RBFOX3: variants seen among roughly 807,000 people sequenced by gnomAD.
RBFOX3 encodes the protein RNA binding fox-1 homolog 3, also known as RNA binding protein fox-1 homolog 3.
RBFOX3 carries 17 observed loss-of-function variants against 48.7 expected under a neutral mutation model. That is an observed-to-expected ratio of 0.35 (90% CI 0.24 to 0.52). The LOEUF is 0.52. Among genes scored for constraint, RBFOX3 ranks in the 20% least tolerant of loss-of-function variants. The pLI is 0.94. For synonymous variants in RBFOX3, 212 were observed against 209.5 expected, an observed-to-expected ratio of 1.01 and a Z score of -0.10; for missense variants, 382 against 497.5, an observed-to-expected ratio of 0.77 and a Z score of 2.21.
rs1011141975 is a variant in RBFOX3, at chr17:79,199,092, C to A, written c.-34+36674G>T. ...GGAGAGAGGGAGGAGACCCAGAAAA[C>A]AGTGGGAAGCAAGTGGGGGCTGTCT... On this transcript the variant is annotated intron_variant, in intron 4 of 14. Transcript: ENST00000693108. This position sits in a 1 kb window ranked among gnomAD's most constrained non-coding sequence, Gnocchi z 5.1. Among the ~76,000 whole-genome samples, 1 of 152,168 alleles carries A rather than the reference C, an allele frequency of 6.6e-6. No individual in the cohort carries two copies. Among genetic ancestry groups the A allele is most frequent in the Non-Finnish European group, 1.5e-5 (1 of 68,026 alleles).
At position 79,503,997 on chromosome 17, in the gene RBFOX3, TGGCAGGGTGCTCCA is replaced by T. The variant is rs2082723645; in HGVS notation, c.-319-21413_-319-21400del. On this transcript the variant is annotated intron_variant, in intron 1 of 14. Transcript: ENST00000693108. ...GAAATGGGAAGGTGGGTGGGCGGGGTGGCAGGGTGCTCCAGGTGGCAGGGTGCTCCAGGTGGCAG... is the reference window on the plus strand; with the variant it reads ...GAAATGGGAAGGTGGGTGGGCGGGGTGGTGGCAGGGTGCTCCAGGTGGCAG... 5.9e-5 allele frequency among the ~76,000 whole-genome samples: 4 copies of T among 67,762 alleles called. No individual in the cohort carries two copies. The South Asian group carries it at 2.4e-3, about 40-fold the overall frequency. The allele number at this position is 67,762 out of a possible 152,430, so 44.5% of individuals were successfully genotyped here.
In RBFOX3 at chr17:79,361,864, G is replaced by A. The variant is rs2086420197; in HGVS notation, c.-174-54040C>T. On this transcript the variant is annotated intron_variant, in intron 2 of 14. Transcript: ENST00000693108. This position sits in a 1 kb window ranked among gnomAD's most constrained non-coding sequence, Gnocchi z 4.5. ...TTTTTATATGGCTCACAAGGCATAG[G>A]CAGATTTCTCTGTTTCTTTATTTGT... Among the ~76,000 whole-genome samples, 1 of 152,192 alleles carries A rather than the reference G, an allele frequency of 6.6e-6. No individual in the cohort carries two copies. Among genetic ancestry groups the A allele is most frequent in the African/African-American group, 2.4e-5 (1 of 41,432 alleles).
chr17:79,659,330 G>A, the RBFOX3 span, among the ~76,000 whole-genome samples: 1 of 152,202 alleles, frequency 6.6e-6, no homozygotes, highest in Admixed American at 6.5e-5. Flanking sequence ...TGATGTACCA[G>A]AGGGTATCTG....
chr17:79,097,325 G>C lies in RBFOX3; in HGVS notation c.722C>G (p.Ala241Gly). 2 of 1,545,062 alleles carry C rather than the reference G, an allele frequency of 1.3e-6. No individual in the cohort carries two copies. The highest frequency in any genetic ancestry group is 1.7e-6 in the Non-Finnish European group (2 of 1,143,728). ...AGTCGGGATGGGGGGTGGGGGTGGC[G>C]CAGCCCGAAATGTATTATACACGGC... ...GRAVYNTFRA[A>G]PPPPPIPTYG... Residue 241 changes from alanine (A) to glycine (G), a missense_variant, in exon 11 of 15, where the codon GCG becomes GGG. Physicochemically the swap from Ala to Gly is moderately conservative, Grantham distance 60 (BLOSUM62 0). Transcript: ENST00000693108.
chr17:79,595,954 C>G (rs1235117500), intron 1 of RBFOX3, among the ~76,000 whole-genome samples: 1 of 152,246 alleles, frequency 6.6e-6, no homozygotes, highest in East Asian at 1.9e-4. Flanking sequence ...GGACGGGGTA[C>G]ATTACGCTCC....
rs527252567 is a variant in RBFOX3, at chr17:79,214,768, C to G, written c.-34+20998G>C. On this transcript the variant is annotated intron_variant, in intron 4 of 14. Transcript: ENST00000693108. The surrounding 1 kb of genome is among the most constrained non-coding windows in gnomAD (Gnocchi z 4.7). ...GGCCCTAGGAAACAGACACTAAATC[C>G]TCATTACAAGGCTTGTTAAATGCAC... Among the ~76,000 whole-genome samples, 8 of 152,240 alleles carry G rather than the reference C, an allele frequency of 5.3e-5. No homozygotes were observed. The South Asian group carries it at 1.7e-3, about 32-fold the overall frequency.
the RBFOX3 span, among the ~76,000 whole-genome samples, chr17:79,657,593 C>T: frequency 4.3e-4 from 66 of 152,266 alleles, no homozygotes; most frequent in African/African-American, 1.5e-3. Context: ...GCAGGAGAAT[C>T]GCTTGAATCT....
intron 1 of RBFOX3, among the ~76,000 whole-genome samples, chr17:79,506,096 G>A (rs1485985963): frequency 3.3e-5 from 5 of 152,348 alleles, no homozygotes; most frequent in East Asian, 1.9e-4. Flanking sequence ...AGAAGTAAGC[G>A]TTTGAGGAAG....
At chr17:79,600,865 G>A (rs1188263670) in intron 1 of RBFOX3, 1 of 152,324 alleles carries the variant, frequency 6.6e-6, no homozygotes, top group Non-Finnish European at 1.5e-5. Flanking sequence ...TCCGAGCTGA[G>A]CCTGCTTGAC....
rs543503779 is a variant in RBFOX3, at chr17:79,312,505, C to T, written c.-174-4681G>A. ...TCTGCCAGGCGCTGTCCTGTGCTCT[C>T]GGAATGTCTGAGTGAGGATACTAGG... On this transcript the variant is annotated intron_variant, in intron 2 of 14. Transcript: ENST00000693108. 1.7e-4 allele frequency among the ~76,000 whole-genome samples: 26 copies of T among 152,110 alleles called. No individual in the cohort carries two copies. In the East Asian group the frequency reaches 2.3e-3, roughly 14 times the overall value.
intron 4 of RBFOX3, among the ~76,000 whole-genome samples, chr17:79,157,750 T>C (rs1398695359): frequency 6.6e-6 from 1 of 152,172 alleles, no homozygotes; most frequent in African/African-American, 2.4e-5. Context: ...GGCAGTGCCA[T>C]GTTCCACCCA....
At chr17:79,653,529 G>C in the RBFOX3 span, among the ~76,000 whole-genome samples, 2 of 152,136 alleles carry the variant, frequency 1.3e-5, no homozygotes, top group Non-Finnish European at 2.9e-5. Context: ...CATTGTTTAG[G>C]TGTAAGTGAG....
In RBFOX3 at chr17:79,447,826, C is replaced by T. The variant is rs1373556009; in HGVS notation, c.-175+34628G>A. 8.5e-5 allele frequency among the ~76,000 whole-genome samples: 13 copies of T among 152,166 alleles called. No homozygotes were observed. The South Asian group carries it at 1.0e-3, about 12-fold the overall frequency. On this transcript the variant is annotated intron_variant, in intron 2 of 14. Transcript: ENST00000693108. ...ATGGGTGATATGGTTCGGCTCATGTCGCTACCCAAATAGCATGTCAAACTG... is the reference window on the plus strand; with the variant it reads ...ATGGGTGATATGGTTCGGCTCATGTTGCTACCCAAATAGCATGTCAAACTG...
chr17:79,534,691 C>T (rs541167189), intron 1 of RBFOX3, among the ~76,000 whole-genome samples: 1 of 152,294 alleles, frequency 6.6e-6, no homozygotes, highest in East Asian at 1.9e-4. Flanking sequence ...GCCCCAAGAC[C>T]CACCGTGACC....
intron 2 of RBFOX3, among the ~76,000 whole-genome samples, chr17:79,430,306 A>AAAGC: frequency 2.0e-5 from 3 of 151,512 alleles, no homozygotes; most frequent in Non-Finnish European, 2.9e-5. Context: ...ATAAATAAAT[A>AAAGC]AAGCAGATAA....
chr17:79,295,181 GC>G (rs2074128236), intron 3 of RBFOX3, among the ~76,000 whole-genome samples: 1 of 152,116 alleles, frequency 6.6e-6, no homozygotes, highest in Non-Finnish European at 1.5e-5. Flanking sequence ...AGTGGTTGGG[GC>G]CCATAAGCCA....
intron 2 of RBFOX3, among the ~76,000 whole-genome samples, chr17:79,436,021 G>A (rs1313368137): frequency 2.6e-5 from 4 of 152,146 alleles, no homozygotes; most frequent in African/African-American, 7.2e-5. Flanking sequence ...TGTTTTCACC[G>A]CCCCCATGAG....
chr17:79,365,134 C>CAT (rs1227239861), intron 2 of RBFOX3, among the ~76,000 whole-genome samples: 5 of 152,072 alleles, frequency 3.3e-5, no homozygotes, highest in Non-Finnish European at 5.9e-5. Context: ...TGCGCACACA[C>CAT]ACACACACAC....
At chr17:79,620,395 CCACATGCA>C in the RBFOX3 span, among the ~76,000 whole-genome samples, 6 of 129,102 alleles carry the variant, frequency 4.6e-5, no homozygotes, top group Admixed American at 1.6e-4. Context: ...GCACACATGC[CCACATGCA>C]CACACACGGA....
Sources: allele counts gnomAD v4.1 joint callset (sites outside exome capture counted in the v4.1 genomes callset), GRCh38; gene constraint gnomAD v4.1.1; non-coding constraint Gnocchi (gnomAD v3.1); transcripts MANE v1.5; gene names NCBI Gene and HGNC (gene_info 2026-07-23, HGNC 2026-07-21).